HSPA14: variants seen among roughly 807,000 people sequenced by gnomAD.
HSPA14 encodes heat shock protein family A (Hsp70) member 14.
In HSPA14, 37 loss-of-function variants were observed where a neutral mutation model predicts 65.5. That is an observed-to-expected ratio of 0.56 (90% confidence interval 0.43 to 0.74). The LOEUF (loss-of-function observed/expected upper bound fraction) is 0.74, where lower values mean the gene tolerates loss of function less well. HSPA14 is among the 30% of genes least tolerant of loss of function. The probability of loss-of-function intolerance (pLI) is 0.00; values close to 1 mark genes in which losing one functional copy is unlikely to be tolerated. For synonymous variants in HSPA14, 203 were observed against 214.2 expected, an observed-to-expected ratio of 0.95 and a Z score of 0.46; for missense variants, 564 against 607.6, an observed-to-expected ratio of 0.93 and a Z score of 0.75.
intron 3 of HSPA14, chr10:14,843,713 T>A (rs768381402): frequency 5.2e-6 from 8 of 1,538,834 alleles, no homozygotes; most frequent in Non-Finnish European, 7.0e-6. Flanking sequence ...GAAGAAAAAC[T>A]GGACAGGCTG....
intron 12 of HSPA14, among the ~76,000 whole-genome samples, chr10:14,869,786 A>G (rs1832838987): frequency 1.3e-5 from 2 of 152,206 alleles, no homozygotes; most frequent in Non-Finnish European, 2.9e-5. Flanking sequence ...TGGCAGTCCT[A>G]GTATTTCCTT....
intron 6 of HSPA14, 151 bp downstream of exon 6, chr10:14,849,962 A>G (rs1834095345): frequency 1.7e-6 from 1 of 588,496 alleles, no homozygotes; most frequent in Non-Finnish European, 2.9e-6. Context: ...TTATATGTAT[A>G]TATTTGATGA....
intron 3 of HSPA14, among the ~76,000 whole-genome samples, 184 bp from the exon 4 acceptor site, chr10:14,848,425 C>T (rs557039800): frequency 6.6e-6 from 1 of 152,264 alleles, no homozygotes; most frequent in African/African-American, 2.4e-5. Context: ...TACTATAACC[C>T]TTATAAATAC....
At chr10:14,869,947 G>A (rs1297255555) in intron 12 of HSPA14, among the ~76,000 whole-genome samples, 5 of 152,168 alleles carry the variant, frequency 3.3e-5, no homozygotes, top group South Asian at 2.1e-4. Flanking sequence ...GTTCCCATCT[G>A]TTCTAACCTT....
chr10:14,852,570 G>T, intron 8 of HSPA14, 39 bp downstream of exon 8: 2 of 1,437,840 alleles, frequency 1.4e-6, no homozygotes, highest in Non-Finnish European at 1.9e-6. Flanking sequence ...TCTGATTGAG[G>T]TTTTCCTTCA....
In HSPA14 at chr10:14,851,328, A is replaced by G. The variant is rs2131641109; in HGVS notation, c.572+5A>G. ...AGACTCCCCTACTGGAAAAAGGTAA[A>G]GATCATATTTGCAGTTTTAGGTTTT... On this transcript the variant is annotated splice_donor_5th_base_variant and intron_variant, in intron 7 of 13. Transcript: ENST00000378372. 6.5e-7 allele frequency: 1 copy of G among 1,536,836 alleles called. No individual in the cohort carries two copies. The highest frequency in any genetic ancestry group is 1.1e-5 in the South Asian group (1 of 89,066).
intron 1 of HSPA14, among the ~76,000 whole-genome samples, chr10:14,839,691 CT>C (rs1833945732): frequency 6.6e-6 from 1 of 152,120 alleles, no homozygotes; most frequent in South Asian, 2.1e-4. Context: ...CAATTGTTGA[CT>C]TTGCAGAGCA....
intron 3 of HSPA14, chr10:14,843,780 G>A: frequency 1.3e-6 from 2 of 1,536,322 alleles, no homozygotes; most frequent in Non-Finnish European, 1.7e-6. Context: ...AGCTCCGCAG[G>A]GATGCTGTCA....
chr10:14,862,839 C>A (rs1333370488), intron 10 of HSPA14, among the ~76,000 whole-genome samples: 1 of 151,958 alleles, frequency 6.6e-6, no homozygotes, highest in Non-Finnish European at 1.5e-5. Flanking sequence ...GCCACCACAC[C>A]CACCTGGATA....
chr10:14,852,757 T>C (rs1206992396), intron 8 of HSPA14, among the ~76,000 whole-genome samples: 1 of 152,142 alleles, frequency 6.6e-6, no homozygotes, highest in East Asian at 1.9e-4. Context: ...TTTCACTTAG[T>C]GTAAAGAGAC....
At chr10:14,865,107 G>A (rs1296358929) in intron 10 of HSPA14, among the ~76,000 whole-genome samples, 2 of 152,194 alleles carry the variant, frequency 1.3e-5, no homozygotes, top group South Asian at 2.1e-4. Flanking sequence ...TCTTTTGGCT[G>A]CATAAATGTC....
At chr10:14,858,493 A>C (rs1832726143) in intron 10 of HSPA14, among the ~76,000 whole-genome samples, 1 of 152,184 alleles carries the variant, frequency 6.6e-6, no homozygotes, top group Admixed American at 6.5e-5. Flanking sequence ...TGCAACACTT[A>C]GGTTACAGGT....
At chr10:14,841,323 T>C (rs1370970646) in intron 3 of HSPA14, 5 of 152,170 alleles carry the variant, frequency 3.3e-5, no homozygotes, top group Non-Finnish European at 7.3e-5. Flanking sequence ...TCATAAAGTC[T>C]AGAAAAAAGA....
At chr10:14,838,617 C>T (rs1833923797) in intron 1 of HSPA14, 158 bp downstream of exon 1, 1 of 669,574 alleles carries the variant, frequency 1.5e-6, no homozygotes, top group African/African-American at 1.9e-5. Context: ...CGGGCAGGCC[C>T]GGCCTCGCGC....
chr10:14,844,844 A>C lies in HSPA14; in HGVS notation c.222-3765A>C, dbSNP rs565402193. 67 of 985,428 alleles carry C rather than the reference A, an allele frequency of 6.8e-5. No homozygotes were observed. The African/African-American group carries it at 1.0e-3, about 15-fold the overall frequency. The allele number at this position is 985,428 out of a possible 1,614,324, so 61.0% of individuals were successfully genotyped here. On this transcript the variant is annotated intron_variant, in intron 3 of 13. Transcript: ENST00000378372. ...ACAATTCAGATTATATCAGTTTCCCATCCGCTTTTTAGCTGATTTCATTCT... is the reference window on the plus strand; with the variant it reads ...ACAATTCAGATTATATCAGTTTCCCCTCCGCTTTTTAGCTGATTTCATTCT...
Position 14,838,396 on chromosome 10 carries a change from C to T in HSPA14, c.-7C>T, listed in dbSNP as rs45480695. 109,591 of 1,601,624 alleles carry T rather than the reference C, an allele frequency of 0.068. 4,437 individuals carry two copies. The highest frequency in any genetic ancestry group is 0.079 in the Non-Finnish European group (93,392 of 1,176,034). ...CTCATTCCTGCCGCTGCCGTCCCTG[C>T]TGCCTCATGGCGGCCATCGGAGTTC... is the stretch of plus-strand genomic sequence containing the variant. On this transcript the variant is annotated 5_prime_UTR_variant, in exon 1 of 14. Transcript: ENST00000378372.
chr10:14,843,220 G>T, intron 3 of HSPA14: 1 of 1,003,510 alleles, frequency 1.0e-6, no homozygotes, highest in East Asian at 2.6e-5. Flanking sequence ...CAATTGTCCA[G>T]ATTAAGGAAA....
intron 10 of HSPA14, among the ~76,000 whole-genome samples, chr10:14,864,231 G>A (rs1176281787): frequency 1.5e-5 from 2 of 135,496 alleles, no homozygotes; most frequent in South Asian, 2.2e-4. Flanking sequence ...CTCTGTCTCC[G>A]GAAAAAAAAA....
intron 8 of HSPA14, 66 bp downstream of exon 8, chr10:14,852,597 T>C: frequency 7.5e-7 from 1 of 1,327,588 alleles, no homozygotes; most frequent in Admixed American, 2.5e-5. Flanking sequence ...TTAATTTTTT[T>C]TCCTAATTTA....
Sources: gnomAD v4.1 joint callset for allele counts (sites outside exome capture counted in the v4.1 genomes callset) on GRCh38, gnomAD v4.1.1 for gene constraint, MANE v1.5 for transcripts, NCBI Gene and HGNC (gene_info 2026-07-23, HGNC 2026-07-21) for gene names.